The following NAALAD2 variants were observed in gnomAD, a reference collection of about 807,000 sequenced individuals.
The protein encoded by NAALAD2 is N-acetylated-alpha-linked acidic dipeptidase 2.
NAALAD2 carries 89 observed loss-of-function variants against 95.6 expected under a neutral mutation model. The observed-to-expected ratio is 0.93, with a 90% CI of 0.78 to 1.11. The LOEUF is 1.11. NAALAD2 is among the 50% of genes least tolerant of loss of function. The pLI, the probability that NAALAD2 is intolerant of heterozygous loss-of-function variation, is 0.00. For synonymous variants in NAALAD2, 264 were observed against 294.4 expected (o/e 0.90, Z 1.06); for missense variants, 894 against 872.4 (o/e 1.02, Z -0.31).
chr11:90,155,756 T>A (rs1952093341), intron 6 of NAALAD2, among the ~76,000 whole-genome samples: 1 of 125,908 alleles, frequency 7.9e-6, no homozygotes, highest in Non-Finnish European at 1.6e-5. Context: ...TTATTACATA[T>A]GTATGTATTA....
At chr11:90,179,822 C>T (rs1952908963) in intron 16 of NAALAD2, among the ~76,000 whole-genome samples, 1 of 152,110 alleles carries the variant, frequency 6.6e-6, no homozygotes, top group Non-Finnish European at 1.5e-5. Context: ...GTTAATTCTT[C>T]TACCTACTTA....
At chr11:90,133,197 C>A (rs971313068), upstream of NAALAD2, among the ~76,000 whole-genome samples, 1 of 152,162 alleles carries the variant, frequency 6.6e-6, no homozygotes, top group Non-Finnish European at 1.5e-5. Flanking sequence ...CCTAGATATA[C>A]TACCATCTTT....
intron 2 of NAALAD2, among the ~76,000 whole-genome samples, chr11:90,138,648 C>G (rs943489023): frequency 2.1e-5 from 3 of 144,144 alleles, no homozygotes; most frequent in Admixed American, 7.1e-5. Context: ...ATCAAATCGT[C>G]TTCTGTTAAT....
chr11:90,135,910 A>T (rs1951445193), intron 2 of NAALAD2, among the ~76,000 whole-genome samples: 1 of 152,016 alleles, frequency 6.6e-6, no homozygotes, highest in Admixed American at 6.6e-5. Context: ...GAGATGTTTC[A>T]ACTTCATGTA....
chr11:90,154,922 TATATACGTATACATATG>T, intron 6 of NAALAD2, among the ~76,000 whole-genome samples: 1 of 65,828 alleles, frequency 1.5e-5, no homozygotes, highest in African/African-American at 7.3e-5. Flanking sequence ...ATGTATATAT[TATATACGTATACATATG>T]TATATATTAT....
At chr11:90,185,874 T>TTA (rs1491131053) in intron 18 of NAALAD2, among the ~76,000 whole-genome samples, 2 of 111,156 alleles carry the variant, frequency 1.8e-5, no homozygotes, top group African/African-American at 5.8e-5. Context: ...TTTTTTTTTT[T>TTA]ATATACATTT....
At chr11:90,172,042 C>G (rs74875663) in intron 13 of NAALAD2, among the ~76,000 whole-genome samples, 1 of 152,034 alleles carries the variant, frequency 6.6e-6, no homozygotes, top group Non-Finnish European at 1.5e-5. Flanking sequence ...TCTAGGCCAA[C>G]GGGACGTGAT....
intron 15 of NAALAD2, among the ~76,000 whole-genome samples, chr11:90,177,220 A>C (rs1952817722): frequency 6.6e-6 from 1 of 152,184 alleles, no homozygotes; most frequent in African/African-American, 2.4e-5. Context: ...TATGTAATAA[A>C]GCTTAAATGA....
intron 5 of NAALAD2, among the ~76,000 whole-genome samples, chr11:90,151,006 C>G (rs184740669): frequency 6.6e-6 from 1 of 151,998 alleles, no homozygotes; most frequent in East Asian, 1.9e-4. Context: ...TATTTATTTA[C>G]TTTTACATTG....
At position 90,192,059 on chromosome 11, in the gene NAALAD2, A is replaced by G. The variant is rs1591039593; in HGVS notation, c.*312A>G. 3 of 170,370 alleles carry G rather than the reference A, an allele frequency of 1.8e-5. No individual in the cohort carries two copies. The East Asian group carries it at 4.7e-4, about 26-fold the overall frequency. 10.6% of individuals were successfully genotyped at this position (170,370 alleles called of 1,614,324 possible). ...TGTGGGAATGTAAAATGGTAAAATC[A>G]CTTTTGAAAACAGTTTGGCAGTTTC... On this transcript the variant is annotated 3_prime_UTR_variant, in exon 19 of 19. Transcript: ENST00000534061.
intron 18 of NAALAD2, among the ~76,000 whole-genome samples, chr11:90,187,038 A>G (rs1292221575): frequency 6.6e-6 from 1 of 152,074 alleles, no homozygotes; most frequent in African/African-American, 2.4e-5. Flanking sequence ...TTCTCAAAAG[A>G]AGACATTTAT....
chr11:90,163,811 C>T (rs1590995122), intron 11 of NAALAD2, 194 bp downstream of exon 11: 1 of 553,578 alleles, frequency 1.8e-6, no homozygotes, highest in Non-Finnish European at 3.1e-6. Context: ...TACTAGACTG[C>T]AGACAGAGTT....
In NAALAD2 at chr11:90,191,681, G is replaced by C. The variant is rs1857332992; in HGVS notation, c.2157G>C (p.Lys719Asn). ...CTCGTTTGGCCTGGAAAGAAGTAAA[G>C]AAACATATTTCTATTGCAGCTTTTA... ...ANSRLAWKEV[K>N]KHISIAAFTI... The change falls in exon 19 of 19, where the codon AAG (lysine) becomes AAC (asparagine). Residue 719 changes from lysine to asparagine, a missense_variant. Physicochemically the swap from Lys to Asn is moderately conservative, Grantham distance 94. Coordinates refer to ENST00000534061, the MANE Select transcript of NAALAD2 (RefSeq NM_005467.4). 1 of 1,601,198 alleles carries C rather than the reference G, an allele frequency of 6.2e-7. No individual in the cohort carries two copies.
chr11:90,151,033 AT>A (rs1268124214), intron 5 of NAALAD2, among the ~76,000 whole-genome samples: 2 of 151,704 alleles, frequency 1.3e-5, no homozygotes, highest in South Asian at 2.1e-4. Flanking sequence ...ATAAGACTTT[AT>A]TTTTTTTCAT....
intron 15 of NAALAD2, 88 bp downstream of exon 15, chr11:90,176,150 C>G (rs1324605237): frequency 4.1e-6 from 4 of 969,386 alleles, no homozygotes; most frequent in Non-Finnish European, 6.4e-6. Flanking sequence ...CACCAGACAC[C>G]TGGTGGATGT....
At chr11:90,183,788 G>A (rs1181846792) in intron 18 of NAALAD2, among the ~76,000 whole-genome samples, 1 of 152,122 alleles carries the variant, frequency 6.6e-6, no homozygotes, top group Non-Finnish European at 1.5e-5. Flanking sequence ...ATTTAAGGTA[G>A]GCTAGGCCAA....
intron 18 of NAALAD2, among the ~76,000 whole-genome samples, chr11:90,186,492 T>C (rs1435503384): frequency 1.3e-5 from 2 of 152,184 alleles, no homozygotes; most frequent in African/African-American, 4.8e-5. Context: ...TAAACATGTG[T>C]GCATGTGTCT....
chr11:90,165,051 A>G (rs891324409), intron 11 of NAALAD2, among the ~76,000 whole-genome samples: 4 of 152,130 alleles, frequency 2.6e-5, no homozygotes, highest in Admixed American at 2.6e-4. Context: ...ACTCCCACTT[A>G]TAAGTGAGAA....
At chr11:90,184,975 G>T (rs1857090830) in intron 18 of NAALAD2, among the ~76,000 whole-genome samples, 1 of 152,094 alleles carries the variant, frequency 6.6e-6, no homozygotes, top group Admixed American at 6.5e-5. Context: ...ATTAGGTGCT[G>T]TAAGCAATCT....
Sources: gnomAD v4.1 joint callset for allele counts (sites outside exome capture counted in the v4.1 genomes callset) on GRCh38, gnomAD v4.1.1 for gene constraint, MANE v1.5 for transcripts, NCBI Gene and HGNC (gene_info 2026-07-23, HGNC 2026-07-21) for gene names.